Variants in SLC25A33 observed in about 807,000 individuals in gnomAD.
SLC25A33 encodes the protein solute carrier family 25 member 33, also known as bone marrow stromal cell mitochondrial carrier protein.
In SLC25A33, 15 loss-of-function variants were observed where a neutral mutation model predicts 35.5. The ratio of observed to expected loss-of-function variants is 0.42; its 90% CI spans 0.28 to 0.65. SLC25A33 has a LOEUF of 0.65. Ranked by LOEUF, SLC25A33 falls within the 30% of genes least tolerant of loss-of-function variation. The pLI, the probability that SLC25A33 is intolerant of heterozygous loss-of-function variation, is 0.20. For synonymous variants in SLC25A33, 136 were observed against 148.7 expected (o/e 0.91, Z 0.62); for missense variants, 257 against 398.5 (o/e 0.64, Z 3.02).
At chr1:9,542,444 C>G (rs755077363) in intron 1 of SLC25A33, among the ~76,000 whole-genome samples, 2 of 152,118 alleles carry the variant, frequency 1.3e-5, no homozygotes, top group East Asian at 3.9e-4. Context: ...AGTATGTTTT[C>G]AGAGTAACTA....
intron 5 of SLC25A33, 40 bp downstream of exon 5, chr1:9,573,452 T>C (rs761519343): frequency 1.9e-6 from 3 of 1,565,336 alleles, no homozygotes; most frequent in Non-Finnish European, 2.6e-6. Flanking sequence ...AAAGGATTTT[T>C]GGGATTTTTT....
chr1:9,571,382 C>T (rs1416998480), intron 4 of SLC25A33, among the ~76,000 whole-genome samples: 1 of 152,156 alleles, frequency 6.6e-6, no homozygotes, highest in African/African-American at 2.4e-5. Flanking sequence ...CAACCTCCGC[C>T]TCCTGGGCTC....
chr1:9,561,894 G>C (rs969858405), intron 2 of SLC25A33, among the ~76,000 whole-genome samples: 1 of 152,136 alleles, frequency 6.6e-6, no homozygotes, highest in Non-Finnish European at 1.5e-5. Flanking sequence ...GGTGTTACTT[G>C]AGAGAGGTTT....
chr1:9,539,559 G>A lies in SLC25A33; in HGVS notation c.-133G>A, dbSNP rs879832663. The A allele has an allele frequency of 9.3e-4, 538 of 577,914 alleles. 3 individuals carry two copies. The highest frequency in any genetic ancestry group is 1.2e-3 in the Middle Eastern group (2 of 1,642). 35.8% of individuals were successfully genotyped at this position (577,914 alleles called of 1,614,324 possible). A position where few individuals can be genotyped will look rare whatever the true frequency, so the allele number is the denominator to read the frequency against. ...CGAGCAGAGCCGGGCGTTGGAGCCCGCGCGCGCATGGAGGCGTTGCCGGCA... is the reference window on the plus strand; with the variant it reads ...CGAGCAGAGCCGGGCGTTGGAGCCCACGCGCGCATGGAGGCGTTGCCGGCA... On this transcript the variant is annotated 5_prime_UTR_variant, in exon 1 of 7. Coordinates refer to ENST00000302692, the MANE Select transcript of SLC25A33 (RefSeq NM_032315.3).
chr1:9,573,328 TG>T lies in SLC25A33; in HGVS notation c.416-17del. 1.3e-6 allele frequency: 2 copies of T among 1,502,292 alleles called. No individual in the cohort carries two copies. Among genetic ancestry groups the T allele is most frequent in the South Asian group, 2.3e-5 (2 of 87,452 alleles). The allele number at this position is 1,502,292 out of a possible 1,614,324, so 93.1% of individuals were successfully genotyped here. A position where few individuals can be genotyped will look rare whatever the true frequency, so the allele number is the denominator to read the frequency against. Reference sequence around the variant, plus strand: ...GACTATGTACAGTGTTGACCTTTACTGTTTTTTTTTTTTCCAGCTTTTATCA... The same window carrying T: ...GACTATGTACAGTGTTGACCTTTACTTTTTTTTTTTTTCCAGCTTTTATCA... On this transcript the variant is annotated splice_polypyrimidine_tract_variant and intron_variant, in intron 4 of 6. Transcript: ENST00000302692.
At chr1:9,574,122 T>C (rs1643628789) in intron 5 of SLC25A33, among the ~76,000 whole-genome samples, 1 of 150,836 alleles carries the variant, frequency 6.6e-6, no homozygotes, top group Non-Finnish European at 1.5e-5. Context: ...TCTTTTCTTT[T>C]TTTTTTTTTT....
At position 9,582,694 on chromosome 1, in the gene SLC25A33, A is replaced by G. The variant is rs549961922; in HGVS notation, c.*193A>G. The G allele has an allele frequency of 2.0e-5, 12 of 591,960 alleles. 1 individual carries two copies. The South Asian group carries it at 2.8e-4, about 14-fold the overall frequency. The allele number at this position is 591,960 out of a possible 1,614,324, so 36.7% of individuals were successfully genotyped here. ...TTAAATTCATTAACGTTAATAGTTAATTATAACTTTTTTTTTAACTTAAGA... is the reference window on the plus strand; with the variant it reads ...TTAAATTCATTAACGTTAATAGTTAGTTATAACTTTTTTTTTAACTTAAGA... On this transcript the variant is annotated 3_prime_UTR_variant, in exon 7 of 7. Transcript: ENST00000302692. This position sits in a 1 kb window ranked among gnomAD's most constrained non-coding sequence, Gnocchi z 4.0.
chr1:9,541,831 GCT>G (rs1403081456), intron 1 of SLC25A33, among the ~76,000 whole-genome samples: 1 of 151,270 alleles, frequency 6.6e-6, no homozygotes, highest in African/African-American at 2.4e-5. Flanking sequence ...ACGGAGTCTT[GCT>G]CTGTCTCCCA....
chr1:9,570,166 T>C (rs948817240), intron 3 of SLC25A33, 92 bp from the exon 4 acceptor site: 28 of 1,156,200 alleles, frequency 2.4e-5, no homozygotes, highest in Non-Finnish European at 3.4e-5. Context: ...ATCTTTCCCA[T>C]TTTATTTTCC....
Position 9,573,232 on chromosome 1 carries a change from C to A in SLC25A33, c.416-114C>A, listed in dbSNP as rs1557535667. ...TAGAAATATAACTGCTTCCTACTGT[C>A]TTTTTATTAGGCCATTGAAATCCCT... On this transcript the variant is annotated intron_variant, in intron 4 of 6. Coordinates refer to ENST00000302692, the MANE Select transcript of SLC25A33 (RefSeq NM_032315.3). 4.3e-6 allele frequency: 3 copies of A among 689,876 alleles called. No individual in the cohort carries two copies. The African/African-American group carries it at 5.4e-5, about 12-fold the overall frequency. The allele number at this position is 689,876 out of a possible 1,614,324, so 42.7% of individuals were successfully genotyped here. A position where few individuals can be genotyped will look rare whatever the true frequency, so the allele number is the denominator to read the frequency against.
intron 5 of SLC25A33, among the ~76,000 whole-genome samples, chr1:9,576,035 A>G (rs1643657300): frequency 2.0e-5 from 3 of 152,024 alleles, no homozygotes; most frequent in South Asian, 4.2e-4. Flanking sequence ...AACTCATATC[A>G]CTTCTGTTTA....
intron 2 of SLC25A33, among the ~76,000 whole-genome samples, chr1:9,557,146 G>A (rs1467901344): frequency 2.0e-5 from 3 of 152,080 alleles, no homozygotes; most frequent in Non-Finnish European, 2.9e-5. Context: ...TTGGTCAGGC[G>A]GGTCTCAAAC....
intron 2 of SLC25A33, among the ~76,000 whole-genome samples, chr1:9,554,218 C>G (rs1009820527): frequency 1.3e-5 from 2 of 152,244 alleles, no homozygotes; most frequent in African/African-American, 2.4e-5. Context: ...GAATCTCGCT[C>G]TGTCACCCAA....
chr1:9,543,165 C>T lies in SLC25A33; in HGVS notation c.56+3418C>T, dbSNP rs1015468517. On this transcript the variant is annotated intron_variant, in intron 1 of 6. Transcript: ENST00000302692. ...TTTATTTATTTATTTATTTTTGATA[C>T]GGAGTTTCAGTCTTGTTGCCCAGGC... Among the ~76,000 whole-genome samples, 10 of 148,940 alleles carry T rather than the reference C, an allele frequency of 6.7e-5. No homozygotes were observed. In the Middle Eastern group the frequency reaches 0.014, roughly 210 times the overall value.
At chr1:9,550,956 G>T (rs1444787815) in intron 1 of SLC25A33, among the ~76,000 whole-genome samples, 1 of 151,850 alleles carries the variant, frequency 6.6e-6, no homozygotes, top group African/African-American at 2.4e-5. Context: ...AGGATTACAG[G>T]CATGAGCTGT....
At chr1:9,549,926 ATATATATATATTTCTATATATGTATCTT>A (rs1367166355) in intron 1 of SLC25A33, among the ~76,000 whole-genome samples, 2 of 142,352 alleles carry the variant, frequency 1.4e-5, no homozygotes, top group South Asian at 2.2e-4. Context: ...CCCAACATAT[ATATATATATATTTCTATATATGTATCTT>A]TATATATATA....
At chr1:9,556,674 T>C (rs1036716850) in intron 2 of SLC25A33, among the ~76,000 whole-genome samples, 4 of 151,508 alleles carry the variant, frequency 2.6e-5, no homozygotes, top group Non-Finnish European at 4.4e-5. Flanking sequence ...TGTGTGTGTG[T>C]CTGTGTCTGT....
At position 9,582,387 on chromosome 1, in the gene SLC25A33, C is replaced by T. The variant is rs866558017; in HGVS notation, c.852C>T (p.Tyr284=). 2 of 1,613,864 alleles carry T rather than the reference C, an allele frequency of 1.2e-6. No homozygotes were observed. The highest frequency in any genetic ancestry group is 2.7e-5 in the African/African-American group (2 of 74,910). ...GCCTGGTGTTCCGGGAAGAAGGCTACCTTGCCTTTTATAGAGGACTGTTTG... is the reference window on the plus strand; with the variant it reads ...GCCTGGTGTTCCGGGAAGAAGGCTATCTTGCCTTTTATAGAGGACTGTTTG... ...TARLVFREEG[Y]LAFYRGLFAQ... Residue 284 remains tyrosine (Y), a synonymous_variant, in exon 7 of 7, where the codon TAC becomes TAT. Coordinates refer to ENST00000302692, the MANE Select transcript of SLC25A33 (RefSeq NM_032315.3). This position sits in a 1 kb window ranked among gnomAD's most constrained non-coding sequence, Gnocchi z 4.0.
At chr1:9,567,466 T>C (rs1445968061) in intron 3 of SLC25A33, 105 bp downstream of exon 3, 18 of 1,039,770 alleles carry the variant, frequency 1.7e-5, no homozygotes, top group Non-Finnish European at 2.1e-5. Flanking sequence ...TTTTTCTATG[T>C]TGGATTTGCC....
Sources: allele counts gnomAD v4.1 joint callset (sites outside exome capture counted in the v4.1 genomes callset), GRCh38; gene constraint gnomAD v4.1.1; non-coding constraint Gnocchi (gnomAD v3.1); transcripts MANE v1.5; gene names NCBI Gene and HGNC (gene_info 2026-07-23, HGNC 2026-07-21).